The following THSD7B variants were observed in gnomAD, a reference collection of about 807,000 sequenced individuals.
THSD7B encodes thrombospondin type 1 domain containing 7B.
THSD7B carries 138 observed loss-of-function variants against 213.6 expected under a neutral mutation model. The ratio of observed to expected loss-of-function variants is 0.65; its 90% CI spans 0.56 to 0.74. The LOEUF (loss-of-function observed/expected upper bound fraction) is 0.74, where lower values mean the gene tolerates loss of function less well. Ranked by LOEUF, THSD7B falls within the 30% of genes least tolerant of loss-of-function variation. The pLI, the probability that THSD7B is intolerant of heterozygous loss-of-function variation, is 0.00. For synonymous variants in THSD7B, 742 were observed against 687.0 expected, an observed-to-expected ratio of 1.08 and a Z score of -1.25; for missense variants, 1,931 against 1,991.5, an observed-to-expected ratio of 0.97 and a Z score of 0.58.
chr2:136,772,219 C>T (rs1028407436), intron 1 of THSD7B, among the ~76,000 whole-genome samples: 2 of 152,052 alleles, frequency 1.3e-5, no homozygotes, highest in Admixed American at 6.6e-5. Context: ...TCAGTCTTTA[C>T]CGCTGCTGGA....
At chr2:137,265,643 G>A (rs1682570593) in intron 10 of THSD7B, among the ~76,000 whole-genome samples, 1 of 152,196 alleles carries the variant, frequency 6.6e-6, no homozygotes, top group South Asian at 2.1e-4. Flanking sequence ...TGATCCTGTT[G>A]AGTAGATAAT....
chr2:137,231,276 C>A, intron 8 of THSD7B, 41 bp downstream of exon 8: 3 of 1,529,024 alleles, frequency 2.0e-6, no homozygotes, highest in East Asian at 2.4e-5. Flanking sequence ...TTCATTAGCC[C>A]AATTATTATC....
At chr2:137,535,330 A>G (rs1050098426) in intron 15 of THSD7B, among the ~76,000 whole-genome samples, 2 of 151,748 alleles carry the variant, frequency 1.3e-5, no homozygotes, top group Non-Finnish European at 2.9e-5. Flanking sequence ...CATACCTCCT[A>G]GTGACCTGCC....
chr2:137,266,094 C>T (rs1682583539), intron 10 of THSD7B, among the ~76,000 whole-genome samples: 1 of 152,156 alleles, frequency 6.6e-6, no homozygotes, highest in Non-Finnish European at 1.5e-5. Context: ...TTCTAAATTA[C>T]AGAAAATTTA....
intron 2 of THSD7B, among the ~76,000 whole-genome samples, chr2:137,053,573 T>G (rs1159675815): frequency 7.1e-6 from 1 of 141,196 alleles, no homozygotes; most frequent in Non-Finnish European, 1.5e-5. Flanking sequence ...GGAGAATTTA[T>G]AATAAAAAAA....
chr2:137,608,768 C>T (rs1682234889), intron 17 of THSD7B, among the ~76,000 whole-genome samples: 1 of 152,168 alleles, frequency 6.6e-6, no homozygotes, highest in Non-Finnish European at 1.5e-5. Context: ...TTCCTCTATG[C>T]ACAGATATGT....
chr2:137,143,101 GA>G (rs1005046387), intron 5 of THSD7B, among the ~76,000 whole-genome samples: 1 of 151,720 alleles, frequency 6.6e-6, no homozygotes, highest in African/African-American at 2.4e-5. Flanking sequence ...TAAATCACCA[GA>G]AAAAAAACAG....
At chr2:137,569,505 G>A (rs1199449214) in intron 16 of THSD7B, among the ~76,000 whole-genome samples, 31 of 152,114 alleles carry the variant, frequency 2.0e-4, no homozygotes, top group Non-Finnish European at 1.5e-5. Context: ...TGTGGACCAG[G>A]GGAGAGGATC....
chr2:137,317,916 G>T (rs1573958193), intron 12 of THSD7B, among the ~76,000 whole-genome samples: 1 of 152,250 alleles, frequency 6.6e-6, no homozygotes, highest in African/African-American at 2.4e-5. Flanking sequence ...GACAGAGCAA[G>T]ACCCTGTCTC....
intron 12 of THSD7B, among the ~76,000 whole-genome samples, chr2:137,382,602 A>G (rs1260330597): frequency 2.0e-5 from 3 of 152,240 alleles, no homozygotes; most frequent in Non-Finnish European, 1.5e-5. Context: ...GGCTGCAGTC[A>G]TCATGCAGAT....
At chr2:137,207,838 G>A (rs1681018024) in intron 7 of THSD7B, among the ~76,000 whole-genome samples, 1 of 152,044 alleles carries the variant, frequency 6.6e-6, no homozygotes, top group Admixed American at 6.6e-5. Context: ...ATTGATCACT[G>A]TCTGATTTGT....
At chr2:137,412,314 A>G (rs1174354144) in intron 14 of THSD7B, among the ~76,000 whole-genome samples, 1 of 152,000 alleles carries the variant, frequency 6.6e-6, no homozygotes, top group African/African-American at 2.4e-5. Flanking sequence ...GTTTTACCGT[A>G]TAAAGGCCAG....
At chr2:137,355,920 A>T (rs1407750618) in intron 12 of THSD7B, among the ~76,000 whole-genome samples, 1 of 152,080 alleles carries the variant, frequency 6.6e-6, no homozygotes, top group Non-Finnish European at 1.5e-5. Flanking sequence ...GCCTTAAGGG[A>T]TATGCTTCTT....
intron 15 of THSD7B, among the ~76,000 whole-genome samples, chr2:137,523,303 C>T (rs1329105825): frequency 6.6e-6 from 1 of 152,170 alleles, no homozygotes; most frequent in Non-Finnish European, 1.5e-5. Context: ...TTTCACATTT[C>T]CAAGCCCAGA....
rs184022895 is a variant in THSD7B at position 136,799,032 on chromosome 2, G to A, written c.-36+33345G>A. On this transcript the variant is annotated intron_variant, in intron 1 of 27. Coordinates refer to ENST00000409968, the MANE Select transcript of THSD7B (RefSeq NM_001316349.2). ...CATAGATTTTCTAGGGTCATCTAAA[G>A]TCTCCCTTTGCAGGATTAATGCTGC... Among the ~76,000 whole-genome samples, 21 of 152,114 alleles carry A rather than the reference G, an allele frequency of 1.4e-4. No individual in the cohort carries two copies. The East Asian group carries it at 4.1e-3, about 29-fold the overall frequency.
intron 14 of THSD7B, among the ~76,000 whole-genome samples, chr2:137,433,962 C>A (rs1244877918): frequency 6.6e-6 from 1 of 152,134 alleles, no homozygotes; most frequent in Non-Finnish European, 1.5e-5. Flanking sequence ...ATTATTCCAG[C>A]TTGTTAAGGG....
At chr2:137,171,058 ATATT>A (rs1466375713) in intron 7 of THSD7B, 120 bp downstream of exon 7, 2 of 1,124,914 alleles carry the variant, frequency 1.8e-6, no homozygotes, top group African/African-American at 3.1e-5. Context: ...TTATCCTTGA[ATATT>A]TATGTTTACA....
At chr2:136,853,119 A>G (rs1465660283) in intron 1 of THSD7B, among the ~76,000 whole-genome samples, 2 of 151,996 alleles carry the variant, frequency 1.3e-5, no homozygotes, top group Admixed American at 1.3e-4. Context: ...CCACCCAGAA[A>G]CAAGGACACT....
intron 12 of THSD7B, among the ~76,000 whole-genome samples, chr2:137,368,955 A>G (rs1385468576): frequency 6.6e-6 from 1 of 152,026 alleles, no homozygotes; most frequent in Non-Finnish European, 1.5e-5. Flanking sequence ...ACTTGGTTCA[A>G]CTTTTCTAAG....
Sources: allele counts gnomAD v4.1 joint callset (sites outside exome capture counted in the v4.1 genomes callset), GRCh38; gene constraint gnomAD v4.1.1; transcripts MANE v1.5; gene names NCBI Gene and HGNC (gene_info 2026-07-23, HGNC 2026-07-21).